The following GALNT17 variants were observed in gnomAD, a reference collection of about 807,000 sequenced individuals.
GALNT17 encodes UDP-GalNAc:polypeptide N-acetylgalactosaminyltransferase-like 3.
A neutral mutation model predicts 63.7 loss-of-function variants in GALNT17; 29 were observed. The observed-to-expected ratio is 0.46, with a 90% CI of 0.34 to 0.62. The LOEUF (loss-of-function observed/expected upper bound fraction) is 0.62, where lower values mean the gene tolerates loss of function less well. GALNT17 is among the 20% of genes least tolerant of loss of function. The pLI is 0.01. For synonymous variants in GALNT17, 305 were observed against 318.3 expected, an observed-to-expected ratio of 0.96 and a Z score of 0.45; for missense variants, 603 against 799.6, an observed-to-expected ratio of 0.75 and a Z score of 2.97.
chr7:71,537,730 T>G (rs889761932), intron 5 of GALNT17, among the ~76,000 whole-genome samples: 5 of 152,032 alleles, frequency 3.3e-5, no homozygotes, highest in Admixed American at 1.3e-4. Flanking sequence ...GGAGAATCAC[T>G]TGAACCCAGG....
At chr7:71,350,021 C>G (rs1792163015) in intron 2 of GALNT17, among the ~76,000 whole-genome samples, 3 of 152,192 alleles carry the variant, frequency 2.0e-5, no homozygotes, top group African/African-American at 7.2e-5. Flanking sequence ...ATATTTGGAA[C>G]CCTGGTGGCA....
At chr7:71,553,078 A>G (rs966854517) in intron 5 of GALNT17, among the ~76,000 whole-genome samples, 3 of 152,108 alleles carry the variant, frequency 2.0e-5, no homozygotes, top group African/African-American at 7.2e-5. Context: ...TAATCCTAGC[A>G]CTTTGGGAGG....
intron 5 of GALNT17, among the ~76,000 whole-genome samples, chr7:71,515,987 AT>A (rs920719746): frequency 1.3e-5 from 2 of 152,190 alleles, no homozygotes; most frequent in Non-Finnish European, 2.9e-5. Flanking sequence ...CGTGTTGCAT[AT>A]CAAAGGAGGG....
At chr7:71,243,058 G>T (rs1790028528) in intron 1 of GALNT17, among the ~76,000 whole-genome samples, 1 of 152,180 alleles carries the variant, frequency 6.6e-6, no homozygotes, top group African/African-American at 2.4e-5. Context: ...CCTACATGTT[G>T]AGGGAGGGTC....
At chr7:71,640,195 A>G (rs891267616) in intron 6 of GALNT17, among the ~76,000 whole-genome samples, 1 of 152,232 alleles carries the variant, frequency 6.6e-6, no homozygotes, top group Admixed American at 6.5e-5. Flanking sequence ...GAAAGAAAAG[A>G]TCAAGATATC....
intron 5 of GALNT17, among the ~76,000 whole-genome samples, chr7:71,523,506 G>T (rs561778134): frequency 1.3e-4 from 20 of 152,126 alleles, no homozygotes; most frequent in African/African-American, 4.6e-4. Flanking sequence ...TGAAATCCCA[G>T]CTGTTTGGGA....
At chr7:71,541,663 C>T (rs1788895559) in intron 5 of GALNT17, among the ~76,000 whole-genome samples, 1 of 152,140 alleles carries the variant, frequency 6.6e-6, no homozygotes, top group Non-Finnish European at 1.5e-5. Flanking sequence ...CTTTCAGAGA[C>T]CCCCTTCCAC....
intron 1 of GALNT17, among the ~76,000 whole-genome samples, chr7:71,271,974 A>T (rs1790601225): frequency 6.6e-6 from 1 of 152,102 alleles, no homozygotes. Context: ...GGCCAGGCTG[A>T]TCTCAAACTC....
chr7:71,276,922 T>C lies in GALNT17; in HGVS notation c.239-58628T>C, dbSNP rs1356943278. On this transcript the variant is annotated intron_variant, in intron 1 of 10. Transcript: ENST00000333538. The stretch of plus-strand genomic sequence containing the variant: ...CTGAGGCAGGAGAATCACTTGAACC[T>C]GGCAGGCGGAGATTGCAGTGAGCCG... Among the ~76,000 whole-genome samples, 6 of 152,040 alleles carry C rather than the reference T, an allele frequency of 3.9e-5. No individual in the cohort carries two copies. In the East Asian group the frequency reaches 1.2e-3, roughly 29 times the overall value.
chr7:71,414,215 T>C (rs1793483595), intron 3 of GALNT17, among the ~76,000 whole-genome samples: 1 of 152,048 alleles, frequency 6.6e-6, no homozygotes, highest in Admixed American at 6.6e-5. Flanking sequence ...CATTTCAGCC[T>C]GGGCAACGAA....
intron 6 of GALNT17, among the ~76,000 whole-genome samples, chr7:71,657,661 A>G (rs1340457290): frequency 1.3e-5 from 2 of 152,192 alleles, no homozygotes; most frequent in Non-Finnish European, 2.9e-5. Flanking sequence ...TGTAAAATTG[A>G]GTCATCAGAT....
intron 5 of GALNT17, among the ~76,000 whole-genome samples, chr7:71,477,834 AG>A (rs2116632699): frequency 6.6e-6 from 1 of 152,326 alleles, no homozygotes; most frequent in African/African-American, 2.4e-5. Flanking sequence ...ATGTCTATTC[AG>A]ACCTTGTTAG....
chr7:71,176,141 T>C (rs1005871790), intron 1 of GALNT17, among the ~76,000 whole-genome samples: 11 of 151,924 alleles, frequency 7.2e-5, no homozygotes, highest in African/African-American at 2.7e-4. Context: ...ACATGGTGTC[T>C]GGATTATGAG....
At chr7:71,298,270 T>C (rs1791120072) in intron 1 of GALNT17, among the ~76,000 whole-genome samples, 1 of 152,184 alleles carries the variant, frequency 6.6e-6, no homozygotes, top group Admixed American at 6.5e-5. Context: ...TCCACCTGCC[T>C]GGGCCTCCCA....
intron 9 of GALNT17, among the ~76,000 whole-genome samples, chr7:71,702,838 G>A (rs1584149653): frequency 6.6e-6 from 1 of 152,180 alleles, no homozygotes; most frequent in African/African-American, 2.4e-5. Flanking sequence ...TAAGTAAGGT[G>A]TTTGGCCTAA....
At chr7:71,170,927 G>GA (rs2116283672) in intron 1 of GALNT17, among the ~76,000 whole-genome samples, 1 of 150,960 alleles carries the variant, frequency 6.6e-6, no homozygotes, top group African/African-American at 2.4e-5. Flanking sequence ...TTTTTTCCCT[G>GA]TTTTTCATCT....
intron 6 of GALNT17, among the ~76,000 whole-genome samples, chr7:71,638,200 G>A (rs1790554902): frequency 6.6e-6 from 1 of 152,150 alleles, no homozygotes; most frequent in African/African-American, 2.4e-5. Flanking sequence ...TGAGCCTTGA[G>A]GAAGACCAGA....
rs796887460 is a variant in GALNT17, at chr7:71,458,878, A to G, written c.962+37773A>G. ...CGGGAGCTGGGGGTTCGGGGTTTAT[A>G]TGGGTACAGGGTAGGGGGCGTGGCG... is the stretch of plus-strand genomic sequence containing the variant. On this transcript the variant is annotated intron_variant, in intron 5 of 10. Transcript: ENST00000333538. Among the ~76,000 whole-genome samples the G allele has an allele frequency of 2.8e-4, 42 of 152,018 alleles. 1 individual carries two copies. The highest frequency in any genetic ancestry group is 9.6e-4 in the African/African-American group (40 of 41,474).
At chr7:71,596,251 G>A (rs1431439584) in intron 6 of GALNT17, among the ~76,000 whole-genome samples, 1 of 152,096 alleles carries the variant, frequency 6.6e-6, no homozygotes, top group Non-Finnish European at 1.5e-5. Context: ...TGTTGGCCAG[G>A]CTGGTCTCAA....
Sources: gnomAD v4.1 joint callset for allele counts (sites outside exome capture counted in the v4.1 genomes callset) on GRCh38, gnomAD v4.1.1 for gene constraint, MANE v1.5 for transcripts, NCBI Gene and HGNC (gene_info 2026-07-23, HGNC 2026-07-21) for gene names.